HERC5: variants seen among roughly 807,000 people sequenced by gnomAD.
HERC5 encodes the protein HECT and RLD domain containing E3 ubiquitin protein ligase 5.
A neutral mutation model predicts 119.6 loss-of-function variants in HERC5; 99 were observed. The ratio of observed to expected loss-of-function variants is 0.83; its 90% CI spans 0.70 to 0.98. The LOEUF is 0.98. Among genes scored for constraint, HERC5 ranks in the 50% least tolerant of loss-of-function variants. HERC5 has a pLI of 0.00. For missense variants in HERC5, 1,267 were observed against 1,241.3 expected (o/e 1.02, Z -0.31); for synonymous variants, 478 against 445.9 (o/e 1.07, Z -0.91).
At chr4:88,488,788 A>C (rs1421481723) in intron 15 of HERC5, among the ~76,000 whole-genome samples, 10 of 151,938 alleles carry the variant, frequency 6.6e-5, no homozygotes, top group African/African-American at 2.2e-4. Context: ...CTTCGGAATG[A>C]GAGAGCATCA....
At chr4:88,502,923 G>A (rs1043356506) in intron 20 of HERC5, among the ~76,000 whole-genome samples, 2 of 151,134 alleles carry the variant, frequency 1.3e-5, no homozygotes, top group Non-Finnish European at 2.9e-5. Context: ...TTGGTTATAT[G>A]TACTGCAGAT....
intron 22 of HERC5, among the ~76,000 whole-genome samples, chr4:88,505,215 T>C (rs1303279715): frequency 6.6e-6 from 1 of 152,176 alleles, no homozygotes; most frequent in Non-Finnish European, 1.5e-5. Flanking sequence ...TCCAGGCCTT[T>C]CTGTGAAGTT....
At chr4:88,468,000 G>A in intron 7 of HERC5, 1 of 433,192 alleles carries the variant, frequency 2.3e-6, no homozygotes, top group Non-Finnish European at 3.1e-6. Context: ...TTTATAGCCA[G>A]CAGTCATTGC....
rs555316644 is a variant in HERC5 at position 88,504,330 on chromosome 4, A to C, written c.2681A>C (p.Glu894Ala). 167 of 1,613,326 alleles carry C rather than the reference A, an allele frequency of 1.0e-4. No individual in the cohort carries two copies. The highest frequency in any genetic ancestry group is 1.4e-4 in the Non-Finnish European group (163 of 1,179,438). ...FRRGFYKMCD[E>A]DIIKLFHPEE... ...AGAGGATTTTATAAAATGTGCGACG[A>C]AGACATTATCAAATTATTCCACCCC... Residue 894 changes from glutamate to alanine, a missense_variant, in exon 21 of 23, where the codon GAA becomes GCA. This residue lies in a region of HERC5 where 473 missense variants were observed against 445.7 expected (regional missense o/e 1.06). Transcript: ENST00000264350.
In HERC5 at chr4:88,484,119, G is replaced by GTTTTTATTTCAAGTAGTAATGT. The variant is rs1289682092; in HGVS notation, c.1738-1991_1738-1970dup. Among the ~76,000 whole-genome samples, 6 of 152,136 alleles carry GTTTTTATTTCAAGTAGTAATGT rather than the reference G, an allele frequency of 3.9e-5. No homozygotes were observed. The South Asian group carries it at 8.3e-4, about 21-fold the overall frequency. ...GGTTGCTATTAATACTACCTTTTAA[G>GTTTTTATTTCAAGTAGTAATGT]TTTTTATTTCAAGTAGTAATGTTTT... On this transcript the variant is annotated intron_variant, in intron 13 of 22. Coordinates refer to ENST00000264350, the MANE Select transcript of HERC5 (RefSeq NM_016323.4).
chr4:88,490,856 T>A (rs541290989), intron 16 of HERC5, among the ~76,000 whole-genome samples: 36 of 152,060 alleles, frequency 2.4e-4, no homozygotes, highest in Admixed American at 8.5e-4. Flanking sequence ...AGGAAAAAAA[T>A]ATATATATTG....
Position 88,457,427 on chromosome 4 carries a change from C to A in HERC5, c.158C>A (p.Thr53Lys). ...HRALLRRVEVTRQLCCSPGRL... is the reference protein window; with the variant it reads ...HRALLRRVEVKRQLCCSPGRL... ...GCGCTGCTCCGGAGGGTGGAGGTGA[C>A]GCGCCAACTCTGCTGCTCGCCGGGG... Residue 53 changes from threonine to lysine, a missense_variant, in exon 1 of 23, where the codon ACG becomes AAG. This residue lies in a region of HERC5 where 777 missense variants were observed against 758.0 expected (regional missense o/e 1.03). Transcript: ENST00000264350. The A allele has an allele frequency of 7.3e-7, 1 of 1,361,370 alleles. No individual in the cohort carries two copies. The highest frequency in any genetic ancestry group is 9.4e-7 in the Non-Finnish European group (1 of 1,060,128). The allele number at this position is 1,361,370 out of a possible 1,614,324, so 84.3% of individuals were successfully genotyped here.
Position 88,459,328 on chromosome 4 carries a change from G to C in HERC5, c.266-19G>C. 6.5e-7 allele frequency: 1 copy of C among 1,541,714 alleles called. No homozygotes were observed. The highest frequency in any genetic ancestry group is 2.3e-5 in the East Asian group (1 of 42,776). ...AATAATCAAAGTGACAATAGTTCCT[G>C]GTTGGATTTGCTCTGTAGAATGCAT... On this transcript the variant is annotated intron_variant, in intron 1 of 22. Coordinates refer to ENST00000264350, the MANE Select transcript of HERC5 (RefSeq NM_016323.4).
At chr4:88,504,440 T>A in intron 21 of HERC5, 25 bp downstream of exon 21, 1 of 1,567,488 alleles carries the variant, frequency 6.4e-7, no homozygotes, top group South Asian at 1.2e-5. Context: ...CTAAGTTGAT[T>A]AAATTCAGTT....
intron 18 of HERC5, among the ~76,000 whole-genome samples, chr4:88,496,813 G>A (rs959266046): frequency 6.6e-6 from 1 of 152,174 alleles, no homozygotes; most frequent in African/African-American, 2.4e-5. Context: ...TTCATCAAGA[G>A]GGTGTTAGAA....
intron 15 of HERC5, among the ~76,000 whole-genome samples, 187 bp from the exon 16 acceptor site, chr4:88,488,979 T>C (rs1300729176): frequency 6.6e-6 from 1 of 152,242 alleles, no homozygotes. Context: ...TTCAGGTCCC[T>C]TGTTTCCTCT....
chr4:88,462,048 T>C, intron 3 of HERC5, 87 bp from the exon 4 acceptor site: 2 of 1,074,356 alleles, frequency 1.9e-6, no homozygotes, highest in Non-Finnish European at 2.8e-6. Flanking sequence ...TGTGATATTA[T>C]ACTAGGTAGA....
chr4:88,493,592 ATTTG>A (rs548813165), intron 17 of HERC5, among the ~76,000 whole-genome samples: 31 of 151,510 alleles, frequency 2.0e-4, no homozygotes, highest in Middle Eastern at 3.5e-3. Flanking sequence ...TTGGTTTTTT[ATTTG>A]TTTGTTTGTT....
At position 88,475,867 on chromosome 4, in the gene HERC5, G is replaced by T. The variant is rs139514664; in HGVS notation, c.1419G>T (p.Leu473=). The change falls in exon 12 of 23, where the codon CTG becomes CTT. Residue 473 remains leucine (L), a synonymous_variant. Transcript: ENST00000264350. ...NMITTCLKDN[L]LKRLPFHSPP... is the part of the protein sequence containing the mutation. ...TAACCACCTGCCTCAAAGATAATCT[G>T]CTCAAAAGACTTCCATTTCATTCTC... 1 of 1,613,902 alleles carries T rather than the reference G, an allele frequency of 6.2e-7. No homozygotes were observed. Among genetic ancestry groups the T allele is most frequent in the Non-Finnish European group, 8.5e-7 (1 of 1,179,970 alleles).
chr4:88,499,219 G>A (rs1741882532), intron 18 of HERC5, among the ~76,000 whole-genome samples: 2 of 152,170 alleles, frequency 1.3e-5, no homozygotes, highest in South Asian at 4.1e-4. Context: ...CAGAGTATTG[G>A]CAGTGATATC....
At chr4:88,466,436 GTTAAAC>G (rs1396646771) in intron 6 of HERC5, among the ~76,000 whole-genome samples, 3 of 152,170 alleles carry the variant, frequency 2.0e-5, no homozygotes, top group South Asian at 2.1e-4. Context: ...TGCCCGGATA[GTTAAAC>G]TTAATCTCCA....
At chr4:88,461,022 T>A (rs1740421617) in intron 3 of HERC5, among the ~76,000 whole-genome samples, 3 of 151,974 alleles carry the variant, frequency 2.0e-5, no homozygotes, top group Admixed American at 2.0e-4. Flanking sequence ...AATGGAATAA[T>A]TAAGATAGAA....
At chr4:88,490,747 G>A (rs1741609966) in intron 16 of HERC5, among the ~76,000 whole-genome samples, 1 of 152,146 alleles carries the variant, frequency 6.6e-6, no homozygotes, top group Non-Finnish European at 1.5e-5. Flanking sequence ...GGGAGGCTGA[G>A]GCAGTGAGAA....
chr4:88,491,995 A>AT (rs1560611954), intron 16 of HERC5, among the ~76,000 whole-genome samples: 1 of 151,722 alleles, frequency 6.6e-6, no homozygotes, highest in African/African-American at 2.4e-5. Flanking sequence ...GAATATCCTG[A>AT]TTTTTATTAT....
Sources: allele counts gnomAD v4.1 joint callset (sites outside exome capture counted in the v4.1 genomes callset), GRCh38; gene constraint gnomAD v4.1.1; regional missense constraint gnomAD v4.1.1; transcripts MANE v1.5; gene names NCBI Gene and HGNC (gene_info 2026-07-23, HGNC 2026-07-21).